Variants in DSCAML1 observed in about 807,000 individuals in gnomAD.
DSCAML1 encodes cell adhesion molecule DSCAML1.
In DSCAML1, 38 loss-of-function variants were observed where a neutral mutation model predicts 200.5. The observed-to-expected ratio is 0.19, with a 90% CI of 0.15 to 0.25. The LOEUF is 0.25. Ranked by LOEUF, DSCAML1 falls within the 10% of genes least tolerant of loss-of-function variation. The probability of loss-of-function intolerance (pLI) is 1.00; values close to 1 mark genes in which losing one functional copy is unlikely to be tolerated. For synonymous variants in DSCAML1, 1,215 were observed against 1,165.0 expected (o/e 1.04, Z -0.87); for missense variants, 2,223 against 2,858.8 (o/e 0.78, Z 5.07).
chr11:117,496,413 C>A (rs556520863), intron 11 of DSCAML1, among the ~76,000 whole-genome samples: 2 of 152,354 alleles, frequency 1.3e-5, no homozygotes, highest in Non-Finnish European at 2.9e-5. Context: ...CAATTCTGGG[C>A]TGCCCACTTA....
intron 1 of DSCAML1, among the ~76,000 whole-genome samples, chr11:117,814,870 T>G (rs1051085981): frequency 7.2e-5 from 11 of 152,172 alleles, no homozygotes; most frequent in African/African-American, 2.7e-4. Context: ...TTTTATTAGC[T>G]GTGTTGGGAG....
chr11:117,596,536 A>G (rs2051365080), intron 3 of DSCAML1, among the ~76,000 whole-genome samples: 1 of 152,300 alleles, frequency 6.6e-6, no homozygotes, highest in East Asian at 1.9e-4. Context: ...CAGAGAGGAC[A>G]TTTTGGAAAC....
intron 14 of DSCAML1, among the ~76,000 whole-genome samples, chr11:117,479,616 A>C (rs1160385232): frequency 6.6e-6 from 1 of 151,830 alleles, no homozygotes; most frequent in African/African-American, 2.4e-5. Context: ...CACAGCAGCC[A>C]GTTGGCACCT....
At chr11:117,563,534 G>T (rs367893910) in intron 3 of DSCAML1, among the ~76,000 whole-genome samples, 8 of 152,174 alleles carry the variant, frequency 5.3e-5, no homozygotes, top group Admixed American at 2.6e-4. Context: ...CCGTGCCAGA[G>T]GGAATCACAC....
At chr11:117,592,675 C>T (rs1220202863) in intron 3 of DSCAML1, among the ~76,000 whole-genome samples, 2 of 152,220 alleles carry the variant, frequency 1.3e-5, no homozygotes, top group Non-Finnish European at 2.9e-5. Flanking sequence ...TACACATATT[C>T]AATAACATAA....
At chr11:117,451,993 A>G (rs143551059) in intron 19 of DSCAML1, among the ~76,000 whole-genome samples, 63 of 152,268 alleles carry the variant, frequency 4.1e-4, no homozygotes, top group African/African-American at 1.5e-3. Flanking sequence ...ATACAGCGTC[A>G]TCATCCTTCT....
At chr11:117,442,172 T>C (rs1471824970) in intron 21 of DSCAML1, among the ~76,000 whole-genome samples, 2 of 150,116 alleles carry the variant, frequency 1.3e-5, no homozygotes, top group Non-Finnish European at 2.9e-5. Context: ...TATATGCATG[T>C]AGTGTGTATA....
intron 3 of DSCAML1, among the ~76,000 whole-genome samples, chr11:117,547,847 A>G (rs950677765): frequency 3.3e-5 from 5 of 152,170 alleles, no homozygotes; most frequent in African/African-American, 1.2e-4. Flanking sequence ...GCCCAAGCCC[A>G]CAGTCATGCC....
At chr11:117,811,808 C>T (rs930380307) in intron 1 of DSCAML1, among the ~76,000 whole-genome samples, 37 of 152,288 alleles carry the variant, frequency 2.4e-4, no homozygotes, top group African/African-American at 7.2e-4. Flanking sequence ...CTTTAAGTAA[C>T]TCTCACAGTG....
chr11:117,441,683 AGTGAGG>A (rs2048052709), intron 21 of DSCAML1, among the ~76,000 whole-genome samples: 1 of 151,576 alleles, frequency 6.6e-6, no homozygotes, highest in Non-Finnish European at 1.5e-5. Context: ...GGAGAGTGAG[AGTGAGG>A]GAGCAGCTGA....
chr11:117,588,874 C>A (rs2051202906), intron 3 of DSCAML1, among the ~76,000 whole-genome samples: 1 of 152,196 alleles, frequency 6.6e-6, no homozygotes, highest in Non-Finnish European at 1.5e-5. Flanking sequence ...TCTTCTTCCC[C>A]TTTCCCTTTC....
intron 3 of DSCAML1, among the ~76,000 whole-genome samples, chr11:117,589,319 C>T (rs11606282): frequency 6.6e-6 from 1 of 152,214 alleles, no homozygotes. Flanking sequence ...TGTCACGCAG[C>T]TATTTATTTA....
Position 117,431,660 on chromosome 11 carries a change from G to C in DSCAML1, c.5248C>G (p.Leu1750Val), listed in dbSNP as rs142917523. ...TRNRYSSQWT[L>V]TKCQASTPAR... ...GGTGTGGAGGCCTGGCACTTGGTCA[G>C]GGTCCACTGGCTTGAGTACCGGTTC... Residue 1750 changes from leucine (L) to valine (V), a missense_variant, in exon 31 of 33, where the codon CTG becomes GTG. By Grantham distance (32) the Leu-to-Val change is conservative (BLOSUM62 1). Around this residue, in one of 7 missense-constraint regions of DSCAML1, gnomAD observed 614 missense variants for 739.1 expected, o/e 0.83. Coordinates refer to ENST00000651296, the MANE Select transcript of DSCAML1 (RefSeq NM_020693.4). The C allele has an allele frequency of 3.2e-5, 52 of 1,612,834 alleles. No homozygotes were observed. The highest frequency in any genetic ancestry group is 4.2e-5 in the Non-Finnish European group (50 of 1,179,210).
At chr11:117,755,559 C>T (rs1227032182) in intron 3 of DSCAML1, among the ~76,000 whole-genome samples, 3 of 152,210 alleles carry the variant, frequency 2.0e-5, no homozygotes, top group African/African-American at 4.8e-5. Flanking sequence ...GGGAAGATTC[C>T]CACTTGCTCA....
At chr11:117,685,233 C>T (rs1042187068) in intron 3 of DSCAML1, among the ~76,000 whole-genome samples, 3 of 152,342 alleles carry the variant, frequency 2.0e-5, no homozygotes, top group East Asian at 1.9e-4. Context: ...ATCATTTCAT[C>T]AGGCTCTTTC....
rs1024685824 is a variant in DSCAML1 at position 117,508,798 on chromosome 11, T to C, written c.1784-3066A>G. Among the ~76,000 whole-genome samples, 11 of 152,076 alleles carry C rather than the reference T, an allele frequency of 7.2e-5. No individual in the cohort carries two copies. The South Asian group carries it at 8.3e-4, about 11-fold the overall frequency. On this transcript the variant is annotated intron_variant, in intron 8 of 32. Coordinates refer to ENST00000651296, the MANE Select transcript of DSCAML1 (RefSeq NM_020693.4). ...GAGAAAGCTAAGGGGCTGTGGAGTC[T>C]GGAGGGCCAAGCCCGGGCACAGACG...
chr11:117,475,613 G>C (rs2048774752), intron 14 of DSCAML1, among the ~76,000 whole-genome samples: 1 of 152,128 alleles, frequency 6.6e-6, no homozygotes, highest in Admixed American at 6.5e-5. Flanking sequence ...ACATGTGTTG[G>C]GCACTTAAAA....
Position 117,570,221 on chromosome 11 carries a change from C to T in DSCAML1, c.512-37699G>A, listed in dbSNP as rs374407780. ...ATCCTGGAGATGATGGGGTAGTTTT[C>T]GGGGTATCTCATGCCAAGGATGAAC... On this transcript the variant is annotated intron_variant, in intron 3 of 32. Transcript: ENST00000651296. Among the ~76,000 whole-genome samples the T allele has an allele frequency of 1.9e-4, 29 of 152,054 alleles. No homozygotes were observed. In the South Asian group the frequency reaches 5.0e-3, roughly 26 times the overall value.
chr11:117,727,110 AC>A (rs2054145606), intron 3 of DSCAML1, among the ~76,000 whole-genome samples: 1 of 152,162 alleles, frequency 6.6e-6, no homozygotes, highest in Non-Finnish European at 1.5e-5. Flanking sequence ...TACTGTTCTT[AC>A]CCCACATTTA....
Sources: allele counts gnomAD v4.1 joint callset (sites outside exome capture counted in the v4.1 genomes callset), GRCh38; gene constraint gnomAD v4.1.1; regional missense constraint gnomAD v4.1.1; transcripts MANE v1.5; gene names NCBI Gene and HGNC (gene_info 2026-07-23, HGNC 2026-07-21).